MCTP2: variants seen among roughly 807,000 people sequenced by gnomAD.
The protein encoded by MCTP2 is multiple C2 and transmembrane domain containing 2, also known as multiple C2 and transmembrane domain-containing protein 2.
In MCTP2, 132 loss-of-function variants were observed where a neutral mutation model predicts 111.6. The observed-to-expected ratio is 1.18, with a 90% CI of 1.03 to 1.37. The LOEUF (loss-of-function observed/expected upper bound fraction) is 1.37, where lower values mean the gene tolerates loss of function less well. Ranked by LOEUF, MCTP2 falls within the 40% of genes most tolerant of loss-of-function variation. The probability of loss-of-function intolerance (pLI) is 0.00; values close to 1 mark genes in which losing one functional copy is unlikely to be tolerated. For synonymous variants in MCTP2, 395 were observed against 387.7 expected (o/e 1.02, Z -0.22); for missense variants, 1,183 against 1,067.9 (o/e 1.11, Z -1.50).
At chr15:94,314,766 GC>G (rs1373928250) in intron 3 of MCTP2, 1 of 458,372 alleles carries the variant, frequency 2.2e-6, no homozygotes, top group Admixed American at 2.4e-5. Flanking sequence ...ATTTAATTGG[GC>G]TCATGTAATA....
rs558351067 is a variant in MCTP2 at position 94,394,479 on chromosome 15, A to G, written c.1789-4482A>G. Reference sequence around the variant, plus strand: ...GTTTGTTTAAAAATGTTACATTAACATTGTGACTGGGTGCAGTGGCTCACA... The same window carrying G: ...GTTTGTTTAAAAATGTTACATTAACGTTGTGACTGGGTGCAGTGGCTCACA... On this transcript the variant is annotated intron_variant, in intron 14 of 22. Transcript: ENST00000357742. Among the ~76,000 whole-genome samples, 5 of 152,324 alleles carry G rather than the reference A, an allele frequency of 3.3e-5. No individual in the cohort carries two copies. The South Asian group carries it at 1.0e-3, about 32-fold the overall frequency.
At chr15:94,242,020 A>G (rs987064184) in intron 1 of MCTP2, among the ~76,000 whole-genome samples, 2 of 152,166 alleles carry the variant, frequency 1.3e-5, no homozygotes, top group Non-Finnish European at 2.9e-5. Context: ...GATTAAGGAG[A>G]GAAAAGGTTC....
At chr15:94,232,685 C>T (rs1414377257) in intron 1 of MCTP2, among the ~76,000 whole-genome samples, 1 of 152,146 alleles carries the variant, frequency 6.6e-6, no homozygotes, top group African/African-American at 2.4e-5. Flanking sequence ...ACTTATTCCT[C>T]ACAGGTGGGT....
At chr15:94,424,328 T>C (rs1053206236) in intron 17 of MCTP2, among the ~76,000 whole-genome samples, 3 of 152,078 alleles carry the variant, frequency 2.0e-5, no homozygotes, top group African/African-American at 4.8e-5. Context: ...GTTTTTTTTT[T>C]CCATTATCAA....
At chr15:94,324,741 TTATGC>T (rs1188699627) in intron 4 of MCTP2, among the ~76,000 whole-genome samples, 1 of 152,210 alleles carries the variant, frequency 6.6e-6, no homozygotes, top group Non-Finnish European at 1.5e-5. Flanking sequence ...ACTGTGAGAA[TTATGC>T]TATGTAATCG....
At chr15:94,385,388 G>A (rs1167833090) in intron 13 of MCTP2, 35 bp from the exon 14 acceptor site, 1 of 1,417,722 alleles carries the variant, frequency 7.1e-7, no homozygotes, top group Non-Finnish European at 1.0e-6. Context: ...TCACTTGTGT[G>A]TTTTTGTGTA....
intron 11 of MCTP2, among the ~76,000 whole-genome samples, chr15:94,368,760 C>G (rs1209064557): frequency 6.6e-6 from 1 of 152,196 alleles, no homozygotes; most frequent in Non-Finnish European, 1.5e-5. Context: ...AGAATAAAAC[C>G]TTTCCCCAAG....
At chr15:94,410,868 A>G (rs577266348) in intron 17 of MCTP2, among the ~76,000 whole-genome samples, 1 of 152,362 alleles carries the variant, frequency 6.6e-6, no homozygotes, top group African/African-American at 2.4e-5. Context: ...CCGCATCAGT[A>G]GCTAAAATCC....
chr15:94,430,029 C>T (rs920749374), intron 17 of MCTP2, among the ~76,000 whole-genome samples: 1 of 152,192 alleles, frequency 6.6e-6, no homozygotes, highest in Admixed American at 6.5e-5. Flanking sequence ...AACATGGTCA[C>T]TTCTCACTAA....
chr15:94,447,674 G>A (rs2084199837), intron 19 of MCTP2, among the ~76,000 whole-genome samples: 3 of 152,212 alleles, frequency 2.0e-5, no homozygotes, highest in Non-Finnish European at 4.4e-5. Flanking sequence ...ACCATGACCG[G>A]CCTGTTTGCG....
At chr15:94,324,500 T>C (rs2076770640) in intron 4 of MCTP2, among the ~76,000 whole-genome samples, 1 of 152,184 alleles carries the variant, frequency 6.6e-6, no homozygotes, top group African/African-American at 2.4e-5. Context: ...ACTTCAGCTG[T>C]AGGTTGAGGT....
chr15:94,429,173 T>C (rs2083039013), intron 17 of MCTP2, among the ~76,000 whole-genome samples: 1 of 151,730 alleles, frequency 6.6e-6, no homozygotes, highest in South Asian at 2.1e-4. Context: ...TTTCCTTCTG[T>C]AGCTATGGAT....
intron 14 of MCTP2, among the ~76,000 whole-genome samples, chr15:94,393,588 G>A (rs969290339): frequency 8.5e-5 from 13 of 152,136 alleles, no homozygotes; most frequent in Admixed American, 7.9e-4. Flanking sequence ...AAAATCTTAA[G>A]ATATCAGTAT....
chr15:94,402,761 C>G, intron 17 of MCTP2: 9 of 1,425,936 alleles, frequency 6.3e-6, no homozygotes, highest in Non-Finnish European at 8.2e-6. Flanking sequence ...AATCAAGTCT[C>G]CCGACTGCAA....
At chr15:94,461,938 A>C (rs981962037) in intron 20 of MCTP2, among the ~76,000 whole-genome samples, 6 of 152,204 alleles carry the variant, frequency 3.9e-5, no homozygotes, top group African/African-American at 1.4e-4. Flanking sequence ...AAAGGAAGAC[A>C]AAGGAGGGGG....
rs1439077973 is a variant in MCTP2, at chr15:94,390,100, A to G, written c.1788+4575A>G. On this transcript the variant is annotated intron_variant, in intron 14 of 22. Coordinates refer to ENST00000357742, the MANE Select transcript of MCTP2 (RefSeq NM_001385001.1). ...TATATATATATATATGTATATATAT[A>G]TATATATATATATGTATATATATAT... is the stretch of plus-strand genomic sequence containing the variant. Among the ~76,000 whole-genome samples the G allele has an allele frequency of 8.7e-4, 72 of 82,536 alleles. 1 individual carries two copies. The highest frequency in any genetic ancestry group is 0.016 in the Middle Eastern group (2 of 126). The allele number at this position is 82,536 out of a possible 152,430, so 54.1% of individuals were successfully genotyped here.
At chr15:94,458,582 T>C (rs998315019) in intron 20 of MCTP2, among the ~76,000 whole-genome samples, 7 of 152,158 alleles carry the variant, frequency 4.6e-5, no homozygotes, top group Non-Finnish European at 7.4e-5. Flanking sequence ...GAGAAGCAAA[T>C]GTGCTATACA....
At chr15:94,313,882 T>C (rs547591515) in intron 2 of MCTP2, among the ~76,000 whole-genome samples, 40 of 152,322 alleles carry the variant, frequency 2.6e-4, no homozygotes, top group Admixed American at 6.5e-4. Flanking sequence ...CGAACGGACA[T>C]GCTCGATTCT....
intron 1 of MCTP2, among the ~76,000 whole-genome samples, chr15:94,290,930 A>C (rs1414272045): frequency 6.6e-6 from 1 of 152,228 alleles, no homozygotes; most frequent in Non-Finnish European, 1.5e-5. Context: ...CTGAAAGGAG[A>C]AGTAGAGAAA....
Sources: gnomAD v4.1 joint callset for allele counts (sites outside exome capture counted in the v4.1 genomes callset) on GRCh38, gnomAD v4.1.1 for gene constraint, MANE v1.5 for transcripts, NCBI Gene and HGNC (gene_info 2026-07-23, HGNC 2026-07-21) for gene names.